Variants in NAF1 observed in about 807,000 individuals in gnomAD.
The protein encoded by NAF1 is H/ACA ribonucleoprotein complex non-core subunit NAF1.
NAF1 carries 11 observed loss-of-function variants against 40.6 expected under a neutral mutation model. The ratio of observed to expected loss-of-function variants is 0.27; its 90% CI spans 0.17 to 0.45. NAF1 has a LOEUF of 0.45. NAF1 is among the 20% of genes least tolerant of loss of function. The pLI is 1.00. For synonymous variants in NAF1, 260 were observed against 228.5 expected, an observed-to-expected ratio of 1.14 and a Z score of -1.24; for missense variants, 607 against 611.1, an observed-to-expected ratio of 0.99 and a Z score of 0.07.
At chr4:163,108,069 A>C (rs1481859864), downstream of NAF1, among the ~76,000 whole-genome samples, 1 of 152,012 alleles carries the variant, frequency 6.6e-6, no homozygotes, top group Non-Finnish European at 1.5e-5. Flanking sequence ...GGAAATTAAG[A>C]AAATTTTTTT....
At chr4:163,142,146 T>C (rs184511731) in intron 4 of NAF1, among the ~76,000 whole-genome samples, 1 of 152,356 alleles carries the variant, frequency 6.6e-6, no homozygotes, top group East Asian at 1.9e-4. Flanking sequence ...CAGTAAGAAC[T>C]GTGAAGGACA....
At position 163,137,240 on chromosome 4, in the gene NAF1, A is replaced by G; in HGVS notation, c.889T>C (p.Ser297Pro). Residue 297 changes from serine to proline, a missense_variant, in exon 6 of 8, where the codon TCA becomes CCA. Coordinates refer to ENST00000274054, the MANE Select transcript of NAF1 (RefSeq NM_138386.3). ...TGATCATTCTTCCATGATGCATCTG[A>G]TCCCTTATCCCTGAGTGGGGTGGGG... is the stretch of plus-strand genomic sequence containing the variant. ...FTEKLKQDKG[S>P]DASWKNDQEP... 6.2e-7 allele frequency: 1 copy of G among 1,608,940 alleles called. No individual in the cohort carries two copies. Among genetic ancestry groups the G allele is most frequent in the Non-Finnish European group, 8.5e-7 (1 of 1,176,598 alleles).
At chr4:163,121,730 C>CTTAA (rs1373199715), downstream of NAF1, among the ~76,000 whole-genome samples, 17 of 152,050 alleles carry the variant, frequency 1.1e-4, no homozygotes, top group African/African-American at 3.6e-4. Context: ...TTCCTTAGCA[C>CTTAA]TTATAGAAGT....
At chr4:163,157,720 A>C (rs1424020397) in intron 2 of NAF1, among the ~76,000 whole-genome samples, 2 of 152,036 alleles carry the variant, frequency 1.3e-5, no homozygotes, top group Non-Finnish European at 2.9e-5. Flanking sequence ...TTATATTTTA[A>C]TTTTCTAACA....
intron 2 of NAF1, among the ~76,000 whole-genome samples, chr4:163,121,256 T>C (rs1294186013): frequency 1.3e-5 from 2 of 152,198 alleles, no homozygotes; most frequent in African/African-American, 2.4e-5. Context: ...AAATAGTCCC[T>C]TGGTTTCTGG....
chr4:163,126,911 T>C (rs1730672277), downstream of NAF1: 1 of 1,483,630 alleles, frequency 6.7e-7, no homozygotes, highest in Admixed American at 2.2e-5. Context: ...CAAAGGGTCA[T>C]TATTATTTTT....
chr4:163,153,860 A>G (rs1264797003), intron 2 of NAF1, among the ~76,000 whole-genome samples: 1 of 152,150 alleles, frequency 6.6e-6, no homozygotes, highest in East Asian at 1.9e-4. Flanking sequence ...GCTCTTTGCA[A>G]TAAATCTTGC....
downstream of NAF1, chr4:163,110,017 G>C: frequency 2.5e-6 from 1 of 397,634 alleles, no homozygotes; most frequent in Non-Finnish European, 4.4e-6. Flanking sequence ...CAAATGATAT[G>C]TGAGGTAGCA....
chr4:163,141,316 A>T (rs898019362), intron 4 of NAF1, among the ~76,000 whole-genome samples: 1 of 152,176 alleles, frequency 6.6e-6, no homozygotes, highest in African/African-American at 2.4e-5. Context: ...GTGAACCGAG[A>T]TTGTGCCATC....
downstream of NAF1, among the ~76,000 whole-genome samples, chr4:163,122,446 G>A (rs530704172): frequency 7.9e-5 from 12 of 152,252 alleles, no homozygotes; most frequent in African/African-American, 2.9e-4. Flanking sequence ...ATGGAGACCT[G>A]TACACAGGCA....
chr4:163,147,191 A>C (rs965754516), intron 3 of NAF1, among the ~76,000 whole-genome samples: 1 of 152,186 alleles, frequency 6.6e-6, no homozygotes, highest in East Asian at 1.9e-4. Flanking sequence ...AATAAACTGA[A>C]AAAGTACAAA....
At chr4:163,127,047 G>C (rs4691895), downstream of NAF1, 1,210,906 of 1,551,376 alleles carry the variant, frequency 0.78, 473,241 homozygotes, top group South Asian at 0.84. Flanking sequence ...AAACCAAAAA[G>C]TTTGTGTGAC....
chr4:163,141,929 A>T, intron 4 of NAF1: 2 of 982,014 alleles, frequency 2.0e-6, no homozygotes, highest in Non-Finnish European at 2.4e-6. Flanking sequence ...AAAACAGCTC[A>T]CCTATCAGGG....
At chr4:163,137,146 G>C in intron 6 of NAF1, 53 bp downstream of exon 6, 4 of 1,596,286 alleles carry the variant, frequency 2.5e-6, no homozygotes, top group Non-Finnish European at 3.4e-6. Flanking sequence ...AAATTTATAA[G>C]ATTAAGTCCT....
intron 1 of NAF1, among the ~76,000 whole-genome samples, 174 bp downstream of exon 1, chr4:163,166,189 G>C (rs935040521): frequency 6.6e-6 from 1 of 152,204 alleles, no homozygotes; most frequent in Non-Finnish European, 1.5e-5. Context: ...TGCTTTGAGA[G>C]GCAGCGAATA....
At chr4:163,131,419 CA>C (rs1231609401) in intron 7 of NAF1, among the ~76,000 whole-genome samples, 4 of 151,714 alleles carry the variant, frequency 2.6e-5, no homozygotes, top group Non-Finnish European at 2.9e-5. Context: ...AAAACAAAAA[CA>C]AAAAAACCTC....
At chr4:163,131,956 GA>G (rs1730891865) in intron 7 of NAF1, among the ~76,000 whole-genome samples, 1 of 152,162 alleles carries the variant, frequency 6.6e-6, no homozygotes, top group Non-Finnish European at 1.5e-5. Context: ...TGAACACATG[GA>G]AAGATGTTCA....
intron 2 of NAF1, among the ~76,000 whole-genome samples, chr4:163,153,556 A>C (rs1220509527): frequency 6.6e-6 from 1 of 152,034 alleles, no homozygotes; most frequent in African/African-American, 2.4e-5. Context: ...TGTTTAGCTC[A>C]AGGTTTGTGA....
intron 2 of NAF1, among the ~76,000 whole-genome samples, chr4:163,116,569 T>C (rs930345936): frequency 2.0e-5 from 3 of 152,306 alleles, no homozygotes; most frequent in Admixed American, 6.5e-5. Flanking sequence ...AATTCCAACT[T>C]TGAAAATCTT....
Sources: gnomAD v4.1 joint callset for allele counts (sites outside exome capture counted in the v4.1 genomes callset) on GRCh38, gnomAD v4.1.1 for gene constraint, MANE v1.5 for transcripts, NCBI Gene and HGNC (gene_info 2026-07-23, HGNC 2026-07-21) for gene names.